Variants in CFAP221 observed in about 807,000 individuals in gnomAD.
CFAP221 encodes cilia- and flagella-associated protein 221.
In CFAP221, 97 loss-of-function variants were observed where a neutral mutation model predicts 113.1. That is an observed-to-expected ratio of 0.86 (90% confidence interval 0.73 to 1.02). The LOEUF is 1.02. CFAP221 is among the 50% of genes least tolerant of loss of function. The pLI, the probability that CFAP221 is intolerant of heterozygous loss-of-function variation, is 0.00. For missense variants in CFAP221, 1,025 were observed against 1,013.4 expected (o/e 1.01, Z -0.16); for synonymous variants, 331 against 354.4 (o/e 0.93, Z 0.74).
At chr2:119,608,839 A>G (rs1684955351) in intron 12 of CFAP221, among the ~76,000 whole-genome samples, 1 of 152,204 alleles carries the variant, frequency 6.6e-6, no homozygotes, top group African/African-American at 2.4e-5. Flanking sequence ...CCTGGAAGAC[A>G]TTGTATAATT....
In CFAP221 at chr2:119,656,350, T is replaced by C; in HGVS notation, c.2415-12T>C. 1 of 1,612,386 alleles carries C rather than the reference T, an allele frequency of 6.2e-7. No individual in the cohort carries two copies. Among genetic ancestry groups the C allele is most frequent in the Non-Finnish European group, 8.5e-7 (1 of 1,178,426 alleles). The stretch of plus-strand genomic sequence containing the variant: ...GTCCTCATGTTTCCTTCTTGGGTTT[T>C]TTGATACTCAGAGAAGTGAAAGATC... On this transcript the variant is annotated splice_polypyrimidine_tract_variant and intron_variant, in intron 23 of 23. Coordinates refer to ENST00000413369, the MANE Select transcript of CFAP221 (RefSeq NM_001271049.2).
At chr2:119,622,569 A>G (rs1471603385) in intron 14 of CFAP221, among the ~76,000 whole-genome samples, 4 of 152,214 alleles carry the variant, frequency 2.6e-5, no homozygotes, top group Non-Finnish European at 5.9e-5. Flanking sequence ...CAACAAAAAA[A>G]GAAAATTTCA....
chr2:119,628,562 T>C (rs1355538350), intron 16 of CFAP221, among the ~76,000 whole-genome samples: 2 of 152,206 alleles, frequency 1.3e-5, no homozygotes, highest in Non-Finnish European at 2.9e-5. Context: ...ACATAGCCAG[T>C]AACAAAATGT....
At chr2:119,651,715 G>C (rs985586975) in intron 22 of CFAP221, among the ~76,000 whole-genome samples, 2 of 152,166 alleles carry the variant, frequency 1.3e-5, no homozygotes, top group South Asian at 2.1e-4. Flanking sequence ...GGAAAATAAT[G>C]TGAATTCTGT....
chr2:119,591,448 G>T (rs1173210213), intron 7 of CFAP221, among the ~76,000 whole-genome samples: 1 of 152,184 alleles, frequency 6.6e-6, no homozygotes, highest in African/African-American at 2.4e-5. Context: ...GGGTGGCAGT[G>T]GTTGCACACA....
In CFAP221 at chr2:119,546,215, C is replaced by T; in HGVS notation, c.84C>T (p.Asn28=). The change falls in exon 2 of 24, where the codon AAC becomes AAT. Residue 28 remains asparagine (N), a synonymous_variant. Transcript: ENST00000413369. ...ATGCATCACCCCATCTCTTGAAGAA[C>T]CTAGTGGAGGAGCCGAAAAAAAGAA... ...FNNASPHLLK[N]LVEEPKKRKE... is the part of the protein sequence containing the mutation. The T allele has an allele frequency of 2.6e-6, 4 of 1,535,854 alleles. No homozygotes were observed. Among genetic ancestry groups the T allele is most frequent in the Admixed American group, 2.0e-5 (1 of 50,990 alleles).
intron 14 of CFAP221, among the ~76,000 whole-genome samples, chr2:119,622,816 CA>C (rs1440139024): frequency 1.3e-5 from 2 of 152,150 alleles, no homozygotes; most frequent in Non-Finnish European, 2.9e-5. Flanking sequence ...TAAAATTGAA[CA>C]CCCCTTCATG....
At chr2:119,653,335 C>G (rs1157290950) in intron 23 of CFAP221, among the ~76,000 whole-genome samples, 1 of 151,960 alleles carries the variant, frequency 6.6e-6, no homozygotes, top group East Asian at 1.9e-4. Flanking sequence ...GAGCCAAGAT[C>G]GCGCCATTGC....
Position 119,601,263 on chromosome 2 carries a change from C to T in CFAP221, c.677C>T (p.Thr226Ile), listed in dbSNP as rs1256594093. The T allele has an allele frequency of 1.1e-5, 17 of 1,534,994 alleles. No individual in the cohort carries two copies. Among genetic ancestry groups the T allele is most frequent in the Non-Finnish European group, 1.5e-5 (17 of 1,146,186 alleles). The change falls in exon 8 of 24, where the codon ACA (threonine) becomes ATA (isoleucine). Residue 226 changes from threonine to isoleucine, a missense_variant. By Grantham distance (89) the Thr-to-Ile change is moderately conservative. Coordinates refer to ENST00000413369, the MANE Select transcript of CFAP221 (RefSeq NM_001271049.2). ...AAGATGACTGTGACTATTAAGTTTA[C>T]ACCCTTTCAGTATGGGACTGCACAA... Reference protein sequence around the residue: ...NGKMTVTIKFTPFQYGTAQIK... With the variant: ...NGKMTVTIKFIPFQYGTAQIK...
intron 23 of CFAP221, among the ~76,000 whole-genome samples, chr2:119,653,080 A>G (rs1350323447): frequency 6.6e-6 from 1 of 151,478 alleles, no homozygotes; most frequent in Non-Finnish European, 1.5e-5. Flanking sequence ...AAACCATCAT[A>G]TGTGGTTTAA....
At chr2:119,545,306 A>G (rs1397020951) in intron 1 of CFAP221, 1 of 152,260 alleles carries the variant, frequency 6.6e-6, no homozygotes, top group East Asian at 1.9e-4. Context: ...ATATAAGGGA[A>G]TGTGAGATTT....
intron 22 of CFAP221, among the ~76,000 whole-genome samples, chr2:119,650,458 A>T (rs930549943): frequency 1.3e-5 from 2 of 152,238 alleles, no homozygotes; most frequent in African/African-American, 4.8e-5. Flanking sequence ...AGCAGATACA[A>T]ACATACCCAA....
intron 6 of CFAP221, among the ~76,000 whole-genome samples, chr2:119,574,883 T>C (rs1007511073): frequency 6.6e-5 from 10 of 152,236 alleles, no homozygotes; most frequent in African/African-American, 2.2e-4. Flanking sequence ...CAGATTCTTA[T>C]ATACTGCAAT....
chr2:119,590,376 C>G (rs1435291234), intron 7 of CFAP221: 1 of 152,368 alleles, frequency 6.6e-6, no homozygotes, highest in Non-Finnish European at 1.5e-5. Flanking sequence ...TAGACATTAC[C>G]TGGGGGCCAC....
intron 6 of CFAP221, 116 bp downstream of exon 6, chr2:119,562,230 A>C: frequency 1.8e-6 from 1 of 567,372 alleles, no homozygotes; most frequent in Non-Finnish European, 2.8e-6. Flanking sequence ...CCTGAAATAG[A>C]CTGGACTTGT....
intron 3 of CFAP221, among the ~76,000 whole-genome samples, chr2:119,559,036 C>T (rs988499045): frequency 6.6e-6 from 1 of 152,170 alleles, no homozygotes; most frequent in Non-Finnish European, 1.5e-5. Flanking sequence ...CCAGGCAAAG[C>T]CCAGATCCCC....
chr2:119,589,546 T>C (rs1683454221), intron 7 of CFAP221: 2 of 152,276 alleles, frequency 1.3e-5, no homozygotes, highest in Non-Finnish European at 2.9e-5. Context: ...TGGTAACTTA[T>C]TTCTAAAAGA....
Position 119,627,622 on chromosome 2 carries a change from C to T in CFAP221, c.1517-31C>T, listed in dbSNP as rs1340686102. On this transcript the variant is annotated intron_variant, in intron 15 of 23. Transcript: ENST00000413369. ...TTTCCCATAAAAATACCTTTAGTACCCCCTAAAAGTGCCCTTTTTTTCACC... is the reference window on the plus strand; with the variant it reads ...TTTCCCATAAAAATACCTTTAGTACTCCCTAAAAGTGCCCTTTTTTTCACC... The T allele has an allele frequency of 8.1e-6, 13 of 1,602,738 alleles. No individual in the cohort carries two copies. In the East Asian group the frequency reaches 1.8e-4, roughly 22 times the overall value.
At chr2:119,644,270 C>CAA (rs1156922563) in intron 21 of CFAP221, among the ~76,000 whole-genome samples, 1 of 152,108 alleles carries the variant, frequency 6.6e-6, no homozygotes, top group African/African-American at 2.4e-5. Flanking sequence ...TTAACACACA[C>CAA]AAAAAAAGTG....
Sources: allele counts gnomAD v4.1 joint callset (sites outside exome capture counted in the v4.1 genomes callset), GRCh38; gene constraint gnomAD v4.1.1; transcripts MANE v1.5; gene names NCBI Gene and HGNC (gene_info 2026-07-23, HGNC 2026-07-21).